COMMD1: variants seen among roughly 807,000 people sequenced by gnomAD.
The protein encoded by COMMD1 is COMM domain-containing protein 1.
In COMMD1, 10 loss-of-function variants were observed where a neutral mutation model predicts 17.2. That is an observed-to-expected ratio of 0.58 (90% CI 0.36 to 0.99). The LOEUF (loss-of-function observed/expected upper bound fraction) is 0.99. Ranked by LOEUF, COMMD1 falls within the 50% of genes least tolerant of loss-of-function variation. The pLI, the probability that COMMD1 is intolerant of heterozygous loss-of-function variation, is 0.01. For missense variants in COMMD1, 270 were observed against 231.8 expected, an observed-to-expected ratio of 1.17 and a Z score of -1.07; for synonymous variants, 97 against 91.6, an observed-to-expected ratio of 1.06 and a Z score of -0.34.
At chr2:62,036,265 TTAAA>T (rs764745775) in intron 2 of COMMD1, among the ~76,000 whole-genome samples, 98 of 152,316 alleles carry the variant, frequency 6.4e-4, no homozygotes, top group Non-Finnish European at 6.8e-4. Context: ...TAATAATACT[TTAAA>T]TAGTGTTTTA....
At chr2:61,907,923 G>A (rs1316069407) in intron 1 of COMMD1, among the ~76,000 whole-genome samples, 6 of 152,070 alleles carry the variant, frequency 3.9e-5, no homozygotes, top group African/African-American at 1.2e-4. Flanking sequence ...ACTCCTGATA[G>A]CTGATCTGCC....
intron 2 of COMMD1, among the ~76,000 whole-genome samples, chr2:62,076,858 A>C (rs1476963436): frequency 6.6e-6 from 1 of 152,052 alleles, no homozygotes; most frequent in Non-Finnish European, 1.5e-5. Context: ...TAGGTCAGGC[A>C]CAGTGGCTCC....
intron 2 of COMMD1, among the ~76,000 whole-genome samples, chr2:62,045,687 C>T (rs982452734): frequency 6.6e-6 from 1 of 150,432 alleles, no homozygotes; most frequent in Non-Finnish European, 1.5e-5. Context: ...CAGGTGTGAG[C>T]CACCAAATCT....
chr2:61,982,161 C>T (rs1390929463), intron 1 of COMMD1, among the ~76,000 whole-genome samples: 1 of 152,092 alleles, frequency 6.6e-6, no homozygotes, highest in East Asian at 1.9e-4. Flanking sequence ...CCTTCAATTT[C>T]TTTCACTATT....
At chr2:62,065,858 G>T (rs1671024159) in intron 2 of COMMD1, among the ~76,000 whole-genome samples, 1 of 152,194 alleles carries the variant, frequency 6.6e-6, no homozygotes, top group Non-Finnish European at 1.5e-5. Flanking sequence ...CCTCTGTGAT[G>T]ATTTGAATTG....
At chr2:62,018,087 C>G (rs1328026023) in intron 2 of COMMD1, among the ~76,000 whole-genome samples, 1 of 152,004 alleles carries the variant, frequency 6.6e-6, no homozygotes, top group South Asian at 2.1e-4. Context: ...GAGGTAAGAT[C>G]ATGGGTAGCA....
intron 2 of COMMD1, among the ~76,000 whole-genome samples, chr2:62,067,004 G>C (rs1573140504): frequency 1.3e-5 from 2 of 152,130 alleles, no homozygotes; most frequent in Non-Finnish European, 2.9e-5. Flanking sequence ...GGGATTACAG[G>C]CTTGAGCCAC....
intron 1 of COMMD1, among the ~76,000 whole-genome samples, chr2:61,998,625 C>T (rs1668836933): frequency 6.6e-6 from 1 of 152,174 alleles, no homozygotes; most frequent in South Asian, 2.1e-4. Context: ...TGAAGAACTT[C>T]TCCTTGGCGT....
intron 1 of COMMD1, among the ~76,000 whole-genome samples, chr2:61,940,697 T>C (rs1670721137): frequency 6.6e-6 from 1 of 152,090 alleles, no homozygotes. Flanking sequence ...AATTCTTTTT[T>C]TTTTTTTTGA....
chr2:62,066,770 G>T (rs963732435), intron 2 of COMMD1, among the ~76,000 whole-genome samples: 10 of 151,686 alleles, frequency 6.6e-5, no homozygotes, highest in Non-Finnish European at 1.2e-4. Flanking sequence ...CTGTCACCCA[G>T]GCTGGAGTGC....
intron 1 of COMMD1, among the ~76,000 whole-genome samples, chr2:61,957,520 A>G (rs1192137737): frequency 6.6e-6 from 1 of 152,018 alleles, no homozygotes; most frequent in East Asian, 1.9e-4. Flanking sequence ...GATTGACCCC[A>G]TTGCTGGTTA....
chr2:61,951,408 C>T (rs1222084722), intron 1 of COMMD1, among the ~76,000 whole-genome samples: 2 of 150,728 alleles, frequency 1.3e-5, no homozygotes, highest in African/African-American at 4.9e-5. Context: ...TGCAGTGAGC[C>T]GACATCGTGC....
chr2:62,119,080 A>C (rs1672676859), intron 2 of COMMD1: 1 of 151,106 alleles, frequency 6.6e-6, no homozygotes, highest in African/African-American at 2.4e-5. Context: ...AGTTACAATG[A>C]GACTGTGGGG....
chr2:61,905,864 G>T lies in COMMD1; in HGVS notation c.180+6G>T, dbSNP rs1216289166. On this transcript the variant is annotated splice_donor_region_variant and intron_variant, in intron 1 of 2. Transcript: ENST00000311832. The stretch of plus-strand genomic sequence containing the variant: ...AGATGAGGGGGATTCTTAAGGTACT[G>T]CTCTTTTCTGTAGTCTCCGGCTTGG... 1 of 1,614,066 alleles carries T rather than the reference G, an allele frequency of 6.2e-7. No homozygotes were observed. Among genetic ancestry groups the T allele is most frequent in the Non-Finnish European group, 8.5e-7 (1 of 1,179,922 alleles).
At chr2:62,011,339 A>G (rs1319560387) in intron 2 of COMMD1, among the ~76,000 whole-genome samples, 1 of 152,198 alleles carries the variant, frequency 6.6e-6, no homozygotes, top group South Asian at 2.1e-4. Flanking sequence ...CAGCCCCTAA[A>G]TGGGGACTGT....
chr2:61,978,350 A>G (rs551715667), intron 1 of COMMD1, among the ~76,000 whole-genome samples: 1 of 151,890 alleles, frequency 6.6e-6, no homozygotes, highest in African/African-American at 2.4e-5. Flanking sequence ...AGCAGCAAGA[A>G]TAAATTAATG....
At chr2:62,041,809 T>A (rs779889208) in intron 2 of COMMD1, among the ~76,000 whole-genome samples, 2 of 152,146 alleles carry the variant, frequency 1.3e-5, no homozygotes, top group Admixed American at 6.5e-5. Context: ...TTCCTTCCGG[T>A]GGGTTCGTGG....
intron 1 of COMMD1, among the ~76,000 whole-genome samples, chr2:61,890,336 C>T (rs1005667534): frequency 6.6e-6 from 1 of 152,198 alleles, no homozygotes; most frequent in African/African-American, 2.4e-5. Context: ...TCTCCTGCCT[C>T]AGCCTCCCCA....
intron 1 of COMMD1, among the ~76,000 whole-genome samples, chr2:61,999,106 A>G (rs1668849103): frequency 1.3e-5 from 2 of 152,204 alleles, no homozygotes; most frequent in Admixed American, 6.5e-5. Context: ...CTTGCTTAAT[A>G]TAGGGTTGCC....
Sources: gnomAD v4.1 joint callset for allele counts (sites outside exome capture counted in the v4.1 genomes callset) on GRCh38, gnomAD v4.1.1 for gene constraint, MANE v1.5 for transcripts, NCBI Gene and HGNC (gene_info 2026-07-23, HGNC 2026-07-21) for gene names.